The following FHIT variants were observed in gnomAD, a reference collection of about 807,000 sequenced individuals.
FHIT encodes the protein fragile histidine triad diadenosine triphosphatase.
FHIT carries 19 observed loss-of-function variants against 17.9 expected under a neutral mutation model. The ratio of observed to expected loss-of-function variants is 1.06; its 90% CI spans 0.74 to 1.56. The LOEUF (loss-of-function observed/expected upper bound fraction) is 1.56, where lower values mean the gene tolerates loss of function less well. FHIT is among the 40% of genes most tolerant of loss of function. The pLI is 0.00. For missense variants in FHIT, 248 were observed against 189.2 expected, an observed-to-expected ratio of 1.31 and a Z score of -1.82; for synonymous variants, 81 against 69.7, an observed-to-expected ratio of 1.16 and a Z score of -0.81.
rs184171401 is a variant in FHIT, at chr3:59,955,968, G to T, written c.280-33554C>A. Reference sequence around the variant, plus strand: ...AGTACTCTGTGTTCCATCCATCAGTGGCTTCCTCTTGTTCATAGAATAAAG... The same window carrying T: ...AGTACTCTGTGTTCCATCCATCAGTTGCTTCCTCTTGTTCATAGAATAAAG... On this transcript the variant is annotated intron_variant, in intron 7 of 9. Transcript: ENST00000492590. Among the ~76,000 whole-genome samples, 138 of 152,260 alleles carry T rather than the reference G, an allele frequency of 9.1e-4. 1 individual carries two copies. Among genetic ancestry groups the T allele is most frequent in the African/African-American group, 3.0e-3 (126 of 41,552 alleles).
chr3:61,195,259 T>A (rs1442063574), intron 2 of FHIT, among the ~76,000 whole-genome samples: 1 of 151,526 alleles, frequency 6.6e-6, no homozygotes, highest in African/African-American at 2.4e-5. Context: ...ACATAATTTC[T>A]CCCAAAGCAC....
intron 5 of FHIT, among the ~76,000 whole-genome samples, chr3:60,214,262 T>C (rs1281291450): frequency 1.3e-5 from 2 of 152,208 alleles, no homozygotes; most frequent in Non-Finnish European, 2.9e-5. Context: ...ATACTAAAGA[T>C]GAAATAGTTT....
chr3:60,076,541 T>C (rs1367149000), intron 5 of FHIT, among the ~76,000 whole-genome samples: 54 of 152,068 alleles, frequency 3.6e-4, no homozygotes, highest in Non-Finnish European at 2.9e-4. Context: ...TCTCTACTTC[T>C]GCTTCTGCTG....
chr3:60,126,693 T>A (rs1424911280), intron 5 of FHIT, among the ~76,000 whole-genome samples: 1 of 152,180 alleles, frequency 6.6e-6, no homozygotes, highest in Non-Finnish European at 1.5e-5. Flanking sequence ...CACACGCTCA[T>A]AAATGCTGAA....
intron 8 of FHIT, among the ~76,000 whole-genome samples, chr3:59,753,126 C>G (rs1011029166): frequency 2.6e-5 from 4 of 152,150 alleles, no homozygotes; most frequent in African/African-American, 4.8e-5. Flanking sequence ...ACCTCCTACT[C>G]TCTTTGGTTT....
chr3:59,768,122 G>C (rs1439134419), intron 8 of FHIT, among the ~76,000 whole-genome samples: 1 of 152,172 alleles, frequency 6.6e-6, no homozygotes, highest in Non-Finnish European at 1.5e-5. Flanking sequence ...AAATATAACA[G>C]GGGTGGCCTG....
intron 5 of FHIT, among the ~76,000 whole-genome samples, chr3:60,175,153 A>G (rs555145567): frequency 6.8e-4 from 104 of 152,312 alleles, no homozygotes; most frequent in African/African-American, 2.4e-3. Flanking sequence ...CCGCATGTTA[A>G]TAAAACACCC....
intron 8 of FHIT, among the ~76,000 whole-genome samples, chr3:59,774,618 A>G (rs1474445659): frequency 6.6e-6 from 1 of 152,236 alleles, no homozygotes; most frequent in East Asian, 1.9e-4. Context: ...TACTGCTAGC[A>G]GTTATCACAA....
At chr3:60,265,416 T>C (rs1706521130) in intron 5 of FHIT, among the ~76,000 whole-genome samples, 1 of 151,946 alleles carries the variant, frequency 6.6e-6, no homozygotes, top group Non-Finnish European at 1.5e-5. Flanking sequence ...ATATAAAAAT[T>C]AACTCGAAAT....
intron 7 of FHIT, among the ~76,000 whole-genome samples, chr3:59,923,985 A>T (rs1705536433): frequency 6.6e-6 from 1 of 152,218 alleles, no homozygotes; most frequent in South Asian, 2.1e-4. Flanking sequence ...ATCTCTCAGC[A>T]ATTGGGCCAA....
At chr3:60,846,169 T>C (rs1410545259) in intron 3 of FHIT, among the ~76,000 whole-genome samples, 1 of 152,202 alleles carries the variant, frequency 6.6e-6, no homozygotes, top group East Asian at 1.9e-4. Context: ...TAATACAGCA[T>C]GCCCTATTCT....
chr3:61,043,855 C>A (rs1272163115), intron 2 of FHIT, among the ~76,000 whole-genome samples: 1 of 152,120 alleles, frequency 6.6e-6, no homozygotes, highest in African/African-American at 2.4e-5. Context: ...CAGGTGATAC[C>A]CAGGCAAACA....
intron 5 of FHIT, among the ~76,000 whole-genome samples, chr3:60,217,146 G>A (rs75946651): frequency 0.035 from 5,299 of 152,138 alleles, 276 homozygotes; most frequent in African/African-American, 0.11. Context: ...GTTAAAATGC[G>A]ATGATTCTGA....
intron 2 of FHIT, among the ~76,000 whole-genome samples, chr3:61,192,282 G>A (rs2038739459): frequency 6.6e-6 from 1 of 152,174 alleles, no homozygotes; most frequent in African/African-American, 2.4e-5. Context: ...TTATTCTGAT[G>A]GGTTTTTATT....
chr3:60,929,432 G>C (rs990184532), intron 3 of FHIT, among the ~76,000 whole-genome samples: 2 of 152,134 alleles, frequency 1.3e-5, no homozygotes, highest in African/African-American at 4.8e-5. Context: ...GTCCCTGTTC[G>C]CAGATGACAT....
At chr3:60,176,673 A>T (rs1264096539) in intron 5 of FHIT, among the ~76,000 whole-genome samples, 1 of 152,182 alleles carries the variant, frequency 6.6e-6, no homozygotes, top group African/African-American at 2.4e-5. Flanking sequence ...GAAATGTCCC[A>T]AAGACTTGGA....
At chr3:60,865,369 T>C (rs529474296) in intron 3 of FHIT, among the ~76,000 whole-genome samples, 2 of 152,324 alleles carry the variant, frequency 1.3e-5, no homozygotes, top group Non-Finnish European at 2.9e-5. Context: ...CACTGGCCAC[T>C]GTACTGGTCA....
intron 2 of FHIT, among the ~76,000 whole-genome samples, chr3:61,156,682 A>G (rs1372620583): frequency 6.6e-6 from 1 of 152,226 alleles, no homozygotes; most frequent in Non-Finnish European, 1.5e-5. Flanking sequence ...TTCACCAAAT[A>G]CCACTCACTT....
At chr3:60,001,010 T>C (rs1458491282) in intron 7 of FHIT, among the ~76,000 whole-genome samples, 2 of 152,204 alleles carry the variant, frequency 1.3e-5, no homozygotes, top group African/African-American at 2.4e-5. Flanking sequence ...TCGTTCCCTG[T>C]TCTGGGTTTA....
Sources: allele counts gnomAD v4.1 joint callset (sites outside exome capture counted in the v4.1 genomes callset), GRCh38; gene constraint gnomAD v4.1.1; transcripts MANE v1.5; gene names NCBI Gene and HGNC (gene_info 2026-07-23, HGNC 2026-07-21).